The following SLC24A3 variants were observed in gnomAD, a reference collection of about 807,000 sequenced individuals.
The protein encoded by SLC24A3 is sodium/potassium/calcium exchanger 3.
SLC24A3 carries 28 observed loss-of-function variants against 75.8 expected under a neutral mutation model. The ratio of observed to expected loss-of-function variants is 0.37; its 90% CI spans 0.27 to 0.51. The LOEUF is 0.51. Among genes scored for constraint, SLC24A3 ranks in the 20% least tolerant of loss-of-function variants. SLC24A3 has a pLI of 0.94. For missense variants in SLC24A3, 663 were observed against 847.8 expected (o/e 0.78, Z 2.71); for synonymous variants, 372 against 334.1 (o/e 1.11, Z -1.24).
intron 2 of SLC24A3, among the ~76,000 whole-genome samples, chr20:19,339,868 A>G (rs1159422174): frequency 1.3e-5 from 2 of 152,236 alleles, no homozygotes; most frequent in Non-Finnish European, 2.9e-5. Context: ...GAGGAATTCT[A>G]GAAGGAAAAT....
chr20:19,362,630 G>A (rs6046018), intron 2 of SLC24A3, among the ~76,000 whole-genome samples: 1,656 of 152,274 alleles, frequency 0.011, 26 homozygotes, highest in African/African-American at 0.036. Context: ...CGAGATAGCC[G>A]ATGTTTGGAG....
intron 1 of SLC24A3, among the ~76,000 whole-genome samples, chr20:19,280,457 T>G (rs1487448664): frequency 6.6e-6 from 1 of 152,138 alleles, no homozygotes; most frequent in Non-Finnish European, 1.5e-5. Flanking sequence ...CTCGGTGGGC[T>G]GGAGCCAGCT....
At chr20:19,483,932 T>TA (rs1252038176) in intron 2 of SLC24A3, among the ~76,000 whole-genome samples, 2 of 152,040 alleles carry the variant, frequency 1.3e-5, no homozygotes, top group East Asian at 1.9e-4. Context: ...TAGCTGGAAA[T>TA]AAAAAAATCC....
chr20:19,643,720 C>A (rs1277031909), intron 6 of SLC24A3, among the ~76,000 whole-genome samples: 2 of 152,176 alleles, frequency 1.3e-5, no homozygotes, highest in Non-Finnish European at 2.9e-5. Context: ...TCTGAACTCA[C>A]CTGGTAGGTA....
At position 19,304,649 on chromosome 20, in the gene SLC24A3, T is replaced by C. The variant is rs111763880; in HGVS notation, c.271+23562T>C. On this transcript the variant is annotated intron_variant, in intron 2 of 16. Transcript: ENST00000328041. Reference sequence around the variant, plus strand: ...TAATTGTTAGCTGTGGTTAGGTTAATTTTTTCCCCTTCTTAAAAGAACATG... The same window carrying C: ...TAATTGTTAGCTGTGGTTAGGTTAACTTTTTCCCCTTCTTAAAAGAACATG... Among the ~76,000 whole-genome samples, 557 of 152,268 alleles carry C rather than the reference T, an allele frequency of 3.7e-3. 3 individuals carry two copies. Among genetic ancestry groups the C allele is most frequent in the Non-Finnish European group, 6.7e-3 (455 of 68,032 alleles).
At chr20:19,277,625 A>G (rs1393971795) in intron 1 of SLC24A3, among the ~76,000 whole-genome samples, 1 of 152,228 alleles carries the variant, frequency 6.6e-6, no homozygotes, top group Non-Finnish European at 1.5e-5. Flanking sequence ...ATCAGCCATC[A>G]GTGGTCAAAT....
chr20:19,475,293 C>T (rs992903490), intron 2 of SLC24A3, among the ~76,000 whole-genome samples: 3 of 151,342 alleles, frequency 2.0e-5, no homozygotes, highest in Non-Finnish European at 2.9e-5. Flanking sequence ...GAGCTGAGAT[C>T]GCGCCACTAC....
intron 6 of SLC24A3, among the ~76,000 whole-genome samples, chr20:19,639,241 G>A (rs1375343627): frequency 2.0e-5 from 3 of 152,164 alleles, no homozygotes; most frequent in Non-Finnish European, 2.9e-5. Context: ...GATACAGAGT[G>A]TCAATTGGTG....
chr20:19,346,822 T>G (rs1199122240), intron 2 of SLC24A3, among the ~76,000 whole-genome samples: 1 of 151,458 alleles, frequency 6.6e-6, no homozygotes. Flanking sequence ...CACCACCTGA[T>G]CCCCAAAACC....
At chr20:19,580,345 A>G (rs1483868996) in intron 4 of SLC24A3, among the ~76,000 whole-genome samples, 1 of 152,002 alleles carries the variant, frequency 6.6e-6, no homozygotes, top group African/African-American at 2.4e-5. Context: ...TAATGGTACT[A>G]TTTGTGTTTT....
chr20:19,317,927 G>A (rs551025524), intron 2 of SLC24A3, among the ~76,000 whole-genome samples: 2 of 152,328 alleles, frequency 1.3e-5, no homozygotes, highest in East Asian at 3.9e-4. Context: ...TACCACATTG[G>A]TGCACACTGG....
At chr20:19,364,276 C>G (rs376005228) in intron 2 of SLC24A3, among the ~76,000 whole-genome samples, 1 of 152,088 alleles carries the variant, frequency 6.6e-6, no homozygotes, top group Admixed American at 6.5e-5. Flanking sequence ...CAGCCGCCCC[C>G]CTCCCCTGAG....
intron 2 of SLC24A3, among the ~76,000 whole-genome samples, chr20:19,500,514 A>G (rs1477360665): frequency 6.6e-6 from 1 of 152,226 alleles, no homozygotes; most frequent in African/African-American, 2.4e-5. Flanking sequence ...CTCATTGAAT[A>G]CAATATTATT....
intron 2 of SLC24A3, among the ~76,000 whole-genome samples, chr20:19,500,948 A>G (rs1401586811): frequency 6.6e-6 from 1 of 152,240 alleles, no homozygotes; most frequent in African/African-American, 2.4e-5. Context: ...AGGTTATTAC[A>G]TCAGAGTGGA....
rs376358089 is a variant in SLC24A3, at chr20:19,255,769, G to T, written c.143-25190G>T. Among the ~76,000 whole-genome samples, 347 of 152,204 alleles carry T rather than the reference G, an allele frequency of 2.3e-3. 10 individuals carry two copies. In the South Asian group the frequency reaches 0.058, roughly 26 times the overall value. On this transcript the variant is annotated intron_variant, in intron 1 of 16. Transcript: ENST00000328041. ...ATAAAATGCACAGTGGCTTTTAAGGGCTTAGTACAAAAAAGAATGAAAAAT... is the reference window on the plus strand; with the variant it reads ...ATAAAATGCACAGTGGCTTTTAAGGTCTTAGTACAAAAAAGAATGAAAAAT...
chr20:19,484,477 G>A (rs746173662), intron 2 of SLC24A3, among the ~76,000 whole-genome samples: 2 of 152,136 alleles, frequency 1.3e-5, no homozygotes, highest in Non-Finnish European at 2.9e-5. Flanking sequence ...TGCTCAACTT[G>A]TATATCTGTA....
At chr20:19,333,731 C>T (rs1190726528) in intron 2 of SLC24A3, among the ~76,000 whole-genome samples, 1 of 151,616 alleles carries the variant, frequency 6.6e-6, no homozygotes, top group Non-Finnish European at 1.5e-5. Context: ...GATGACTGAA[C>T]ACGGTAATTC....
At chr20:19,618,292 AT>A (rs1055138050) in intron 6 of SLC24A3, among the ~76,000 whole-genome samples, 90 of 152,144 alleles carry the variant, frequency 5.9e-4, no homozygotes, top group African/African-American at 2.0e-3. Flanking sequence ...ACAGAAATTT[AT>A]TTTCTCACAC....
At chr20:19,704,844 G>A (rs1241276608) in intron 15 of SLC24A3, among the ~76,000 whole-genome samples, 1 of 152,134 alleles carries the variant, frequency 6.6e-6, no homozygotes, top group Non-Finnish European at 1.5e-5. Flanking sequence ...GTCACACTGG[G>A]CCACCAAGAC....
Sources: gnomAD v4.1 joint callset for allele counts (sites outside exome capture counted in the v4.1 genomes callset) on GRCh38, gnomAD v4.1.1 for gene constraint, MANE v1.5 for transcripts, NCBI Gene and HGNC (gene_info 2026-07-23, HGNC 2026-07-21) for gene names.